NRXN3: variants seen among roughly 807,000 people sequenced by gnomAD.
The protein encoded by NRXN3 is neurexin III.
In NRXN3, 32 loss-of-function variants were observed where a neutral mutation model predicts 137.6. The observed-to-expected ratio is 0.23, with a 90% CI of 0.18 to 0.31. The LOEUF (loss-of-function observed/expected upper bound fraction) is 0.31, where lower values mean the gene tolerates loss of function less well. Ranked by LOEUF, NRXN3 falls within the 10% of genes least tolerant of loss-of-function variation. The pLI is 1.00. For missense variants in NRXN3, 1,574 were observed against 2,062.5 expected, an observed-to-expected ratio of 0.76 and a Z score of 4.59; for synonymous variants, 798 against 784.5, an observed-to-expected ratio of 1.02 and a Z score of -0.29.
At chr14:79,269,535 G>A (rs2078986105) in intron 15 of NRXN3, among the ~76,000 whole-genome samples, 1 of 152,050 alleles carries the variant, frequency 6.6e-6, no homozygotes, top group South Asian at 2.1e-4. Flanking sequence ...TCTTACCGGC[G>A]ACTGAGGAGA....
chr14:78,445,073 G>C (rs1196163998), intron 4 of NRXN3, among the ~76,000 whole-genome samples: 3 of 152,122 alleles, frequency 2.0e-5, no homozygotes, highest in Admixed American at 6.6e-5. Flanking sequence ...TAAACTCCAG[G>C]GCTGTGTTTT....
intron 16 of NRXN3, among the ~76,000 whole-genome samples, chr14:79,566,336 T>G (rs1388985907): frequency 3.3e-5 from 5 of 152,050 alleles, no homozygotes; most frequent in Middle Eastern, 3.2e-3. Flanking sequence ...TTTCCTTGCT[T>G]TTAGTTTTCC....
At chr14:78,525,300 CAG>C (rs1303487326) in intron 4 of NRXN3, among the ~76,000 whole-genome samples, 1 of 152,150 alleles carries the variant, frequency 6.6e-6, no homozygotes, top group Non-Finnish European at 1.5e-5. Flanking sequence ...TGGTATGGGT[CAG>C]GGGACTGTTG....
intron 4 of NRXN3, among the ~76,000 whole-genome samples, chr14:78,314,440 A>G (rs1000277035): frequency 1.1e-4 from 16 of 152,300 alleles, no homozygotes; most frequent in African/African-American, 3.1e-4. Flanking sequence ...TTCAGGCACC[A>G]AGACACCTTC....
chr14:78,300,417 G>A (rs546853313), intron 4 of NRXN3, among the ~76,000 whole-genome samples: 3 of 152,364 alleles, frequency 2.0e-5, no homozygotes, highest in Admixed American at 6.5e-5. Context: ...TGAACATGAA[G>A]CTGAGGGAGC....
intron 4 of NRXN3, among the ~76,000 whole-genome samples, 158 bp downstream of exon 4, chr14:78,298,018 G>A (rs1306209856): frequency 6.6e-6 from 1 of 152,130 alleles, no homozygotes; most frequent in Non-Finnish European, 1.5e-5. Context: ...AGTGGGGGTG[G>A]GGGCACCTTC....
chr14:78,527,276 TG>T (rs1284404495), intron 4 of NRXN3, among the ~76,000 whole-genome samples: 6 of 152,180 alleles, frequency 3.9e-5, no homozygotes, highest in African/African-American at 1.4e-4. Flanking sequence ...TCTCTGCTTC[TG>T]GGGAGGCCTT....
chr14:78,821,515 G>T (rs960166283), intron 10 of NRXN3, among the ~76,000 whole-genome samples: 4 of 152,078 alleles, frequency 2.6e-5, no homozygotes, highest in Non-Finnish European at 5.9e-5. Context: ...CGGAATGCTT[G>T]AAAGGAGCAG....
chr14:79,778,209 G>A (rs1451562052), intron 19 of NRXN3, among the ~76,000 whole-genome samples: 1 of 152,198 alleles, frequency 6.6e-6, no homozygotes, highest in Non-Finnish European at 1.5e-5. Context: ...GAGGTCAGGA[G>A]TTTGAGACCA....
At chr14:78,646,500 G>A (rs908359901) in intron 5 of NRXN3, among the ~76,000 whole-genome samples, 1 of 152,186 alleles carries the variant, frequency 6.6e-6, no homozygotes, top group Non-Finnish European at 1.5e-5. Context: ...TTGATTTAAT[G>A]TCTTCTAATG....
chr14:79,303,990 T>A (rs2085592494), intron 15 of NRXN3, among the ~76,000 whole-genome samples: 1 of 152,098 alleles, frequency 6.6e-6, no homozygotes, highest in African/African-American at 2.4e-5. Context: ...AACATTTGCT[T>A]AATACGTTAA....
At chr14:78,849,477 C>T (rs981290765) in intron 10 of NRXN3, among the ~76,000 whole-genome samples, 8 of 152,036 alleles carry the variant, frequency 5.3e-5, no homozygotes, top group Non-Finnish European at 1.0e-4. Flanking sequence ...AGGGGCCCTC[C>T]AACCTAGAGG....
chr14:78,353,918 T>A (rs1362422529), intron 4 of NRXN3, among the ~76,000 whole-genome samples: 1 of 152,206 alleles, frequency 6.6e-6, no homozygotes, highest in African/African-American at 2.4e-5. Context: ...TATGATTATA[T>A]TCCTTAAAAA....
intron 15 of NRXN3, among the ~76,000 whole-genome samples, chr14:79,032,281 T>C (rs569084628): frequency 2.2e-4 from 33 of 152,160 alleles, no homozygotes; most frequent in Admixed American, 5.2e-4. Context: ...TTACATTCAA[T>C]CAAATTCCAG....
At chr14:79,573,021 G>A (rs993801042) in intron 16 of NRXN3, 3 of 152,178 alleles carry the variant, frequency 2.0e-5, no homozygotes, top group Admixed American at 6.5e-5. Context: ...GTGAGTTTTG[G>A]CTTTGAGAGT....
chr14:78,562,592 G>A (rs1021614053), intron 4 of NRXN3, among the ~76,000 whole-genome samples: 7 of 152,054 alleles, frequency 4.6e-5, no homozygotes, highest in African/African-American at 1.7e-4. Flanking sequence ...GATAACCCAT[G>A]AGGCAAGAAA....
At chr14:78,379,354 A>C (rs2088590488) in intron 4 of NRXN3, among the ~76,000 whole-genome samples, 1 of 152,200 alleles carries the variant, frequency 6.6e-6, no homozygotes, top group African/African-American at 2.4e-5. Flanking sequence ...TATGACACAC[A>C]ATCTTTAAAA....
chr14:79,808,240 TAAAAAAAA>T (rs35474581), intron 20 of NRXN3, among the ~76,000 whole-genome samples: 56 of 124,208 alleles, frequency 4.5e-4, no homozygotes, highest in African/African-American at 1.7e-3. Flanking sequence ...CTCTCTCAAT[TAAAAAAAA>T]AAAAAAAATA....
chr14:78,756,887 G>A (rs918116092), intron 8 of NRXN3, among the ~76,000 whole-genome samples: 4 of 152,200 alleles, frequency 2.6e-5, no homozygotes, highest in African/African-American at 9.6e-5. Context: ...TTCATTTGGT[G>A]GGTTATTAGA....
Sources: gnomAD v4.1 joint callset for allele counts (sites outside exome capture counted in the v4.1 genomes callset) on GRCh38, gnomAD v4.1.1 for gene constraint, MANE v1.5 for transcripts, NCBI Gene and HGNC (gene_info 2026-07-23, HGNC 2026-07-21) for gene names.